ASXL1: variants seen among roughly 807,000 people sequenced by gnomAD.
ASXL1 encodes ASXL transcriptional regulator 1.
In ASXL1, 65 loss-of-function variants were observed where a neutral mutation model predicts 89.1. The ratio of observed to expected loss-of-function variants is 0.73; its 90% confidence interval spans 0.60 to 0.90. The LOEUF (loss-of-function observed/expected upper bound fraction) is 0.90, where lower values mean the gene tolerates loss of function less well. Among genes scored for constraint, ASXL1 ranks in the 40% least tolerant of loss-of-function variants. ASXL1 has a pLI of 0.00. For synonymous variants in ASXL1, 739 were observed against 746.9 expected, an observed-to-expected ratio of 0.99 and a Z score of 0.17; for missense variants, 1,786 against 1,942.9, an observed-to-expected ratio of 0.92 and a Z score of 1.52.
chr20:32,415,870 G>A (rs1292405641), intron 4 of ASXL1, among the ~76,000 whole-genome samples: 1 of 151,894 alleles, frequency 6.6e-6, no homozygotes, highest in Non-Finnish European at 1.5e-5. Context: ...TGTTCATTTT[G>A]CCATGTTTAT....
chr20:32,358,645 C>A lies in ASXL1; in HGVS notation c.-131C>A. On this transcript the variant is annotated 5_prime_UTR_variant, in exon 1 of 13. Coordinates refer to ENST00000375687, the MANE Select transcript of ASXL1 (RefSeq NM_015338.6). Reference sequence around the variant, plus strand: ...TGCCCGCCCCTTCTCCCCGGCCGCACCCGAGACCTCGCGCGCCGCCGCTGC... The same window carrying A: ...TGCCCGCCCCTTCTCCCCGGCCGCAACCGAGACCTCGCGCGCCGCCGCTGC... The A allele has an allele frequency of 4.2e-6, 1 of 238,770 alleles. No individual in the cohort carries two copies. The highest frequency in any genetic ancestry group is 6.9e-6 in the Non-Finnish European group (1 of 144,804). The allele number at this position is 238,770 out of a possible 1,614,324, so 14.8% of individuals were successfully genotyped here.
At position 32,369,718 on chromosome 20, in the gene ASXL1, C is replaced by CTTTTTTTTT. The variant is rs386393629; in HGVS notation, c.252+610_252+618dup. ...ACTATGGGGATAATTGCAGATGTGC[C>CTTTTTTTTT]TTTTTTTTTTTTTTTTTTTTTTTAT... On this transcript the variant is annotated intron_variant, in intron 4 of 12. Transcript: ENST00000375687. Among the ~76,000 whole-genome samples, 372 of 94,628 alleles carry CTTTTTTTTT rather than the reference C, an allele frequency of 3.9e-3. 3 individuals carry two copies. Among genetic ancestry groups the CTTTTTTTTT allele is most frequent in the East Asian group, 6.3e-3 (17 of 2,698 alleles). 62.1% of individuals were successfully genotyped at this position (94,628 alleles called of 152,430 possible).
intron 4 of ASXL1, among the ~76,000 whole-genome samples, chr20:32,396,718 G>A (rs1161601182): frequency 2.0e-5 from 3 of 152,074 alleles, no homozygotes; most frequent in Admixed American, 6.6e-5. Flanking sequence ...AGTGCCTACA[G>A]CAGTAGGATT....
intron 12 of ASXL1, 167 bp from the exon 13 acceptor site, chr20:32,434,265 A>C (rs917943319): frequency 1.1e-5 from 10 of 879,744 alleles, no homozygotes; most frequent in Non-Finnish European, 1.6e-5. Flanking sequence ...TCTTCTCTGA[A>C]TGGTGTGTTA....
rs530366142 is a variant in ASXL1, at chr20:32,401,663, C to T, written c.253-26465C>T. On this transcript the variant is annotated intron_variant, in intron 4 of 12. Coordinates refer to ENST00000375687, the MANE Select transcript of ASXL1 (RefSeq NM_015338.6). ...CTGCACCTCACAGGTTCAAGCGATTCTTCTGCCTCAGCCTCCTGGGTAACT... is the reference window on the plus strand; with the variant it reads ...CTGCACCTCACAGGTTCAAGCGATTTTTCTGCCTCAGCCTCCTGGGTAACT... 2.0e-5 allele frequency among the ~76,000 whole-genome samples: 3 copies of T among 150,562 alleles called. No individual in the cohort carries two copies. In the South Asian group the frequency reaches 6.4e-4, roughly 32 times the overall value.
chr20:32,358,714 C>T lies in ASXL1; in HGVS notation c.-62C>T, dbSNP rs943230941. The T allele has an allele frequency of 3.8e-6, 4 of 1,053,700 alleles. No homozygotes were observed. In the Admixed American group the frequency reaches 8.8e-5, roughly 23 times the overall value. The allele number at this position is 1,053,700 out of a possible 1,614,324, so 65.3% of individuals were successfully genotyped here. On this transcript the variant is annotated 5_prime_UTR_variant, in exon 1 of 13. Coordinates refer to ENST00000375687, the MANE Select transcript of ASXL1 (RefSeq NM_015338.6). ...CCGCCGCCGCCCCAGCCCCGCGCCA[C>T]CGCCCCAGCCCGCCCAGCCCGGAGG... is the stretch of plus-strand genomic sequence containing the variant.
At chr20:32,370,092 C>A (rs1236348893) in intron 4 of ASXL1, among the ~76,000 whole-genome samples, 1 of 152,008 alleles carries the variant, frequency 6.6e-6, no homozygotes. Flanking sequence ...TAATGTAAGA[C>A]CTACTCTATG....
At chr20:32,367,937 T>C (rs1362251299) in intron 3 of ASXL1, among the ~76,000 whole-genome samples, 1 of 152,234 alleles carries the variant, frequency 6.6e-6, no homozygotes, top group Non-Finnish European at 1.5e-5. Context: ...CACACCCACT[T>C]GATACTCCAG....
At chr20:32,370,953 C>A (rs1419205401) in intron 4 of ASXL1, among the ~76,000 whole-genome samples, 1 of 136,492 alleles carries the variant, frequency 7.3e-6, no homozygotes, top group Admixed American at 7.8e-5. Context: ...GAGTATGAGA[C>A]CTTGTCTCTA....
At chr20:32,418,603 C>T (rs938145728) in intron 4 of ASXL1, among the ~76,000 whole-genome samples, 1 of 152,054 alleles carries the variant, frequency 6.6e-6, no homozygotes, top group Non-Finnish European at 1.5e-5. Flanking sequence ...TTCCTATTCT[C>T]ACCTCCTCCT....
At chr20:32,431,296 C>G in intron 8 of ASXL1, 25 bp from the exon 9 acceptor site, 5 of 1,614,190 alleles carry the variant, frequency 3.1e-6, no homozygotes, top group African/African-American at 1.3e-5. Context: ...AAGCTGAAAT[C>G]TATACCTTGC....
chr20:32,380,549 C>T (rs559246312), intron 4 of ASXL1, among the ~76,000 whole-genome samples: 64 of 152,054 alleles, frequency 4.2e-4, no homozygotes, highest in Non-Finnish European at 7.5e-4. Flanking sequence ...CCCTGGAATT[C>T]GAGACCAGCC....
At chr20:32,397,238 G>C (rs1190804925) in intron 4 of ASXL1, among the ~76,000 whole-genome samples, 2 of 72,960 alleles carry the variant, frequency 2.7e-5, no homozygotes, top group African/African-American at 9.6e-5. Context: ...TGGGGTGAGC[G>C]ACCATGCCTG....
chr20:32,397,023 T>C (rs947650907), intron 4 of ASXL1, among the ~76,000 whole-genome samples: 95 of 148,024 alleles, frequency 6.4e-4, no homozygotes, highest in Middle Eastern at 3.5e-3. Flanking sequence ...AAAAACTCAC[T>C]GTGGCTTTTT....
chr20:32,418,261 A>G (rs550079982), intron 4 of ASXL1, among the ~76,000 whole-genome samples: 2 of 152,264 alleles, frequency 1.3e-5, no homozygotes, highest in East Asian at 3.9e-4. Flanking sequence ...AGTTCCAGCT[A>G]CTTGAGAGGC....
rs71187113 is a variant in ASXL1, at chr20:32,379,161, C to CTTTTT, written c.252+10075_252+10079dup. ...ACTCACTGTCAGGTATAACTTCAGT[C>CTTTTT]TTTTTTTTTTTTTTTTTTTTTTTTT... On this transcript the variant is annotated intron_variant, in intron 4 of 12. Transcript: ENST00000375687. Among the ~76,000 whole-genome samples the CTTTTT allele has an allele frequency of 7.6e-4, 47 of 61,792 alleles. 7 individuals carry two copies. The highest frequency in any genetic ancestry group is 2.6e-3 in the East Asian group (4 of 1,534). The allele number at this position is 61,792 out of a possible 152,430, so 40.5% of individuals were successfully genotyped here. A position where few individuals can be genotyped will look rare whatever the true frequency, so the allele number is the denominator to read the frequency against.
At chr20:32,372,552 A>G in intron 4 of ASXL1, 1 of 291,490 alleles carries the variant, frequency 3.4e-6, no homozygotes. Flanking sequence ...TTAATGAACG[A>G]ATTTAGTGAA....
At chr20:32,380,521 G>T (rs1031742512) in intron 4 of ASXL1, among the ~76,000 whole-genome samples, 1 of 152,192 alleles carries the variant, frequency 6.6e-6, no homozygotes, top group Non-Finnish European at 1.5e-5. Context: ...GGAGCCCAAG[G>T]TGGGAGAATT....
chr20:32,371,679 C>A, intron 4 of ASXL1: 1 of 383,432 alleles, frequency 2.6e-6, no homozygotes, highest in South Asian at 1.9e-5. Context: ...AATCATAGCT[C>A]ACCGTAGCCT....
Sources: gnomAD v4.1 joint callset for allele counts (sites outside exome capture counted in the v4.1 genomes callset) on GRCh38, gnomAD v4.1.1 for gene constraint, MANE v1.5 for transcripts, NCBI Gene and HGNC (gene_info 2026-07-23, HGNC 2026-07-21) for gene names.